CYP24A1: variants seen among roughly 807,000 people sequenced by gnomAD.
CYP24A1 encodes the protein 1,25-dihydroxyvitamin D(3) 24-hydroxylase, mitochondrial.
In CYP24A1, 68 loss-of-function variants were observed where a neutral mutation model predicts 62.4. That is an observed-to-expected ratio of 1.09 (90% CI 0.90 to 1.33). CYP24A1 has a LOEUF of 1.33. Ranked by LOEUF, CYP24A1 falls within the 40% of genes most tolerant of loss-of-function variation. The probability of loss-of-function intolerance (pLI) is 0.00; values close to 1 mark genes in which losing one functional copy is unlikely to be tolerated. For synonymous variants in CYP24A1, 267 were observed against 253.0 expected, an observed-to-expected ratio of 1.06 and a Z score of -0.52; for missense variants, 787 against 653.0, an observed-to-expected ratio of 1.21 and a Z score of -2.24.
chr20:54,155,693 CA>C (rs2092625131), intron 11 of CYP24A1, among the ~76,000 whole-genome samples: 1 of 145,478 alleles, frequency 6.9e-6, no homozygotes, highest in Non-Finnish European at 1.5e-5. Flanking sequence ...GCTGAGATTG[CA>C]CCATTGCACT....
intron 6 of CYP24A1, among the ~76,000 whole-genome samples, chr20:54,164,175 A>T (rs2092662564): frequency 6.6e-6 from 1 of 152,146 alleles, no homozygotes; most frequent in Admixed American, 6.5e-5. Flanking sequence ...GCCTCAAGTG[A>T]TCTGCTCGCC....
intron 4 of CYP24A1, among the ~76,000 whole-genome samples, chr20:54,169,373 G>T (rs552767257): frequency 5.5e-4 from 83 of 152,204 alleles, no homozygotes; most frequent in Non-Finnish European, 8.8e-4. Context: ...CACAGTGCCA[G>T]ACACACAGCA....
In CYP24A1 at chr20:54,173,906, G is replaced by A. The variant is rs1909527003; in HGVS notation, c.-327C>T. On this transcript the variant is annotated 5_prime_UTR_variant, in exon 1 of 12. Transcript: ENST00000216862. This position sits in a 1 kb window ranked among gnomAD's most constrained non-coding sequence, Gnocchi z 7.2. ...TTGGTCCGCAAGGCTGACCTCTAGG[G>A]TCTGGCTGGAGCCACGGGGAGGTGT... 9.1e-6 allele frequency: 4 copies of A among 440,472 alleles called. No homozygotes were observed. The highest frequency in any genetic ancestry group is 7.4e-5 in the Admixed American group (2 of 27,158). 27.3% of individuals were successfully genotyped at this position (440,472 alleles called of 1,614,324 possible).
chr20:54,160,401 C>T (rs1216054931), intron 7 of CYP24A1, among the ~76,000 whole-genome samples: 1 of 152,202 alleles, frequency 6.6e-6, no homozygotes, highest in Non-Finnish European at 1.5e-5. Context: ...CAAATATTTC[C>T]TGAAAATGAT....
In CYP24A1 at chr20:54,156,898, T is replaced by G. The variant is rs1050564320; in HGVS notation, c.*10+271A>C. On this transcript the variant is annotated intron_variant, in intron 11 of 11. Transcript: ENST00000216862. ...TTCACATGCAAAAACCATGAACAGC[T>G]GCTAGCATTTACTGAACACTTAATT... Among the ~76,000 whole-genome samples the G allele has an allele frequency of 4.6e-5, 7 of 152,220 alleles. No homozygotes were observed. The South Asian group carries it at 1.2e-3, about 27-fold the overall frequency.
At chr20:54,167,797 A>G (rs2092677505) in intron 4 of CYP24A1, among the ~76,000 whole-genome samples, 1 of 152,036 alleles carries the variant, frequency 6.6e-6, no homozygotes, top group South Asian at 2.1e-4. Context: ...AAAGTTACTT[A>G]TATTTATCTA....
Position 54,157,283 on chromosome 20 carries a change from G to C in CYP24A1, c.1441C>G (p.Arg481Gly). 1 of 1,602,756 alleles carries C rather than the reference G, an allele frequency of 6.2e-7. No individual in the cohort carries two copies. Among genetic ancestry groups the C allele is most frequent in the Non-Finnish European group, 8.5e-7 (1 of 1,169,790 alleles). ...QLHLALCWIV[R>G]KYDIQATDNE... ...TCTGTGGCCTGGATGTCGTATTTGC[G>C]GACAATCTGTAATGCACACGCACAC... The change falls in exon 11 of 12, where the codon CGC becomes GGC. Residue 481 changes from arginine (R) to glycine (G), a missense_variant. Physicochemically the swap from Arg to Gly is moderately radical, Grantham distance 125 (BLOSUM62 -2). Transcript: ENST00000216862.
chr20:54,157,253 C>T lies in CYP24A1; in HGVS notation c.1471G>A (p.Glu491Lys), dbSNP rs563765337. The T allele has an allele frequency of 1.2e-5, 19 of 1,612,796 alleles. No homozygotes were observed. The highest frequency in any genetic ancestry group is 6.7e-5 in the East Asian group (3 of 44,876). Residue 491 changes from glutamate (E) to lysine (K), a missense_variant, in exon 11 of 12, where the codon GAG becomes AAG. Transcript: ENST00000216862. ...RKYDIQATDN[E>K]PVEMLHSGTL... ...CCTGAGTGTAGCATCTCAACAGGCT[C>T]ATTGTCTGTGGCCTGGATGTCGTAT...
At position 54,169,685 on chromosome 20, in the gene CYP24A1, A is replaced by C. The variant is rs769995389; in HGVS notation, c.547T>G (p.Leu183Val). 6 of 1,613,960 alleles carry C rather than the reference A, an allele frequency of 3.7e-6. No individual in the cohort carries two copies. The highest frequency in any genetic ancestry group is 5.1e-6 in the Non-Finnish European group (6 of 1,180,018). Reference protein sequence around the residue: ...MKLDNKINEVLADFMGRIDEL... With the variant: ...MKLDNKINEVVADFMGRIDEL... ...TCTATTCTGCCCATAAAATCGGCCAAGACCTTCAAAGAAAACAACCGCAAA... is the reference window on the plus strand; with the variant it reads ...TCTATTCTGCCCATAAAATCGGCCACGACCTTCAAAGAAAACAACCGCAAA... The change falls in exon 4 of 12, where the codon TTG (leucine) becomes GTG (valine). Residue 183 changes from leucine (L) to valine (V), a missense_variant. Leu to Val is a conservative substitution (Grantham distance 32). Coordinates refer to ENST00000216862, the MANE Select transcript of CYP24A1 (RefSeq NM_000782.5).
At chr20:54,171,046 G>A (rs1466232296) in intron 3 of CYP24A1, among the ~76,000 whole-genome samples, 2 of 152,132 alleles carry the variant, frequency 1.3e-5, no homozygotes, top group Non-Finnish European at 2.9e-5. Context: ...AACACACCAC[G>A]TCATTTCATG....
At chr20:54,161,558 T>C (rs927528364) in intron 7 of CYP24A1, among the ~76,000 whole-genome samples, 2 of 152,022 alleles carry the variant, frequency 1.3e-5, no homozygotes, top group African/African-American at 4.8e-5. Context: ...AATTCCTTCA[T>C]TTATTCAACA....
the CYP24A1 span, among the ~76,000 whole-genome samples, chr20:54,146,269 G>A: frequency 1.3e-5 from 2 of 152,052 alleles, no homozygotes; most frequent in East Asian, 3.8e-4. Context: ...ATTGTATATC[G>A]GATGAAACAC....
At chr20:54,149,675 A>C (rs2092609699), downstream of CYP24A1, among the ~76,000 whole-genome samples, 1 of 152,170 alleles carries the variant, frequency 6.6e-6, no homozygotes, top group Non-Finnish European at 1.5e-5. Flanking sequence ...CAGGGGATGG[A>C]GTGAGGTTGC....
intron 8 of CYP24A1, 117 bp downstream of exon 8, chr20:54,158,840 G>C: frequency 1.9e-6 from 3 of 1,554,316 alleles, no homozygotes; most frequent in Non-Finnish European, 2.6e-6. Flanking sequence ...TTTTTGCAGT[G>C]TGATAATTGT....
Position 54,173,697 on chromosome 20 carries a change from A to G in CYP24A1, c.-118T>C, listed in dbSNP as rs886056792. ...CTGGGAAAAGGAAGCAAAGAGGGCC[A>G]GCTGGTGTGATGGAGCGGGGTGAGG... On this transcript the variant is annotated 5_prime_UTR_variant, in exon 1 of 12. Transcript: ENST00000216862. The surrounding 1 kb of genome is among the most constrained non-coding windows in gnomAD (Gnocchi z 7.2). The G allele has an allele frequency of 3.6e-5, 25 of 696,922 alleles. 1 individual carries two copies. Among genetic ancestry groups the G allele is most frequent in the East Asian group, 1.9e-4 (7 of 36,902 alleles). 43.2% of individuals were successfully genotyped at this position (696,922 alleles called of 1,614,324 possible). A position where few individuals can be genotyped will look rare whatever the true frequency, so the allele number is the denominator to read the frequency against.
In CYP24A1 at chr20:54,173,284, G is replaced by C. The variant is rs2092701217; in HGVS notation, c.258+38C>G. ...TTGGAGCGCCACTGGGAGGGCGGAA[G>C]AGGGAGGAGAGAGTCAGGGGCGCGA... is the stretch of plus-strand genomic sequence containing the variant. On this transcript the variant is annotated intron_variant, in intron 1 of 11. Coordinates refer to ENST00000216862, the MANE Select transcript of CYP24A1 (RefSeq NM_000782.5). The surrounding 1 kb of genome is among the most constrained non-coding windows in gnomAD (Gnocchi z 7.2). 1 of 1,587,478 alleles carries C rather than the reference G, an allele frequency of 6.3e-7. No homozygotes were observed. The highest frequency in any genetic ancestry group is 1.7e-5 in the Admixed American group (1 of 59,300).
Position 54,173,748 on chromosome 20 carries a change from G to A in CYP24A1, c.-169C>T. On this transcript the variant is annotated 5_prime_UTR_variant, in exon 1 of 12. Coordinates refer to ENST00000216862, the MANE Select transcript of CYP24A1 (RefSeq NM_000782.5). This position sits in a 1 kb window ranked among gnomAD's most constrained non-coding sequence, Gnocchi z 7.2. Reference sequence around the variant, plus strand: ...CGGGACAGGCAGCAGAAAGGACCTCGGCGAGGATGCTCGACGCTGCACCAC... The same window carrying A: ...CGGGACAGGCAGCAGAAAGGACCTCAGCGAGGATGCTCGACGCTGCACCAC... The A allele has an allele frequency of 4.9e-6, 3 of 612,160 alleles. No homozygotes were observed. The highest frequency in any genetic ancestry group is 3.8e-5 in the South Asian group (2 of 51,974). The allele number at this position is 612,160 out of a possible 1,614,324, so 37.9% of individuals were successfully genotyped here. A position where few individuals can be genotyped will look rare whatever the true frequency, so the allele number is the denominator to read the frequency against.
intron 2 of CYP24A1, 124 bp downstream of exon 2, chr20:54,172,785 G>C: frequency 6.4e-7 from 1 of 1,556,100 alleles, no homozygotes; most frequent in Non-Finnish European, 8.6e-7. Context: ...AGGGGCTTTG[G>C]TATCCGCCCT....
the CYP24A1 span, among the ~76,000 whole-genome samples, chr20:54,147,527 C>G: frequency 3.9e-5 from 6 of 152,142 alleles, no homozygotes; most frequent in African/African-American, 1.4e-4. Context: ...CCACACAGAC[C>G]AGGACCTCTG....
Sources: allele counts gnomAD v4.1 joint callset (sites outside exome capture counted in the v4.1 genomes callset), GRCh38; gene constraint gnomAD v4.1.1; non-coding constraint Gnocchi (gnomAD v3.1); transcripts MANE v1.5; gene names NCBI Gene and HGNC (gene_info 2026-07-23, HGNC 2026-07-21).